Variants in TYW1B observed in about 807,000 individuals in gnomAD.
TYW1B encodes the protein tRNA-yW synthesizing protein 1 homolog B.
TYW1B carries 73 observed loss-of-function variants against 86.9 expected under a neutral mutation model. The ratio of observed to expected loss-of-function variants is 0.84; its 90% CI spans 0.70 to 1.02. The LOEUF is 1.02. Among genes scored for constraint, TYW1B ranks in the 50% least tolerant of loss-of-function variants. The probability of loss-of-function intolerance (pLI) is 0.00; values close to 1 mark genes in which losing one functional copy is unlikely to be tolerated. For missense variants in TYW1B, 637 were observed against 827.4 expected (o/e 0.77, Z 2.82); for synonymous variants, 248 against 292.8 (o/e 0.85, Z 1.56).
At chr7:72,803,833 C>CA (rs1379177435) in intron 5 of TYW1B, among the ~76,000 whole-genome samples, 2 of 151,946 alleles carry the variant, frequency 1.3e-5, no homozygotes, top group African/African-American at 4.8e-5. Flanking sequence ...AGGCTGGTCT[C>CA]AGACTCCTGA....
chr7:72,778,496 C>A (rs1456923802), intron 6 of TYW1B, among the ~76,000 whole-genome samples: 2 of 152,092 alleles, frequency 1.3e-5, no homozygotes, highest in East Asian at 1.9e-4. Context: ...GTCGCCCAGG[C>A]CAGAGTGCAG....
rs191374373 is a variant in TYW1B at position 72,711,779 on chromosome 7, G to A, written c.1370+1842C>T. Among the ~76,000 whole-genome samples the A allele has an allele frequency of 7.1e-3, 1,071 of 151,666 alleles. 17 individuals are homozygous for A. Among genetic ancestry groups the A allele is most frequent in the African/African-American group, 0.025 (1,042 of 41,390 alleles). ...TGGGATTACAGGCGTGAGTCACTGCGCCCTGCCCCTTTAATTCTTACAATC... is the reference window on the plus strand; with the variant it reads ...TGGGATTACAGGCGTGAGTCACTGCACCCTGCCCCTTTAATTCTTACAATC... On this transcript the variant is annotated intron_variant, in intron 10 of 13. Transcript: ENST00000620995.
At chr7:72,725,697 C>T (rs1786985941) in intron 9 of TYW1B, among the ~76,000 whole-genome samples, 1 of 152,120 alleles carries the variant, frequency 6.6e-6, no homozygotes, top group South Asian at 2.1e-4. Flanking sequence ...TGACCTGTTC[C>T]AAGCAAGAAG....
chr7:72,671,923 G>A (rs1813615055), intron 11 of TYW1B, among the ~76,000 whole-genome samples: 1 of 150,736 alleles, frequency 6.6e-6, no homozygotes, highest in Non-Finnish European at 1.5e-5. Flanking sequence ...GGAAAGAATA[G>A]GAGGCTGGAT....
At chr7:72,624,925 G>A (rs530683434) in intron 12 of TYW1B, among the ~76,000 whole-genome samples, 59 of 151,974 alleles carry the variant, frequency 3.9e-4, no homozygotes, top group Non-Finnish European at 8.1e-4. Context: ...CAAGCGTGGT[G>A]GTGTACACCT....
At chr7:72,808,755 G>A (rs1586000069) in intron 4 of TYW1B, among the ~76,000 whole-genome samples, 1 of 151,944 alleles carries the variant, frequency 6.6e-6, no homozygotes, top group Non-Finnish European at 1.5e-5. Flanking sequence ...TCGAACTCCC[G>A]ACCTCAGGTG....
At chr7:72,705,049 T>C (rs1243238912) in intron 10 of TYW1B, among the ~76,000 whole-genome samples, 1 of 152,172 alleles carries the variant, frequency 6.6e-6, no homozygotes, top group Non-Finnish European at 1.5e-5. Flanking sequence ...TCAGGCCGTA[T>C]TTACTTCTAT....
At chr7:72,733,014 G>A (rs1163203086) in intron 8 of TYW1B, among the ~76,000 whole-genome samples, 2 of 152,012 alleles carry the variant, frequency 1.3e-5, no homozygotes, top group Non-Finnish European at 2.9e-5. Flanking sequence ...AGAAATTCCT[G>A]TACACACACA....
At chr7:72,604,228 C>G (rs1811742992) in intron 13 of TYW1B, among the ~76,000 whole-genome samples, 1 of 152,052 alleles carries the variant, frequency 6.6e-6, no homozygotes, top group African/African-American at 2.4e-5. Context: ...TTTGAGAGGC[C>G]AAGGTGGGTG....
At chr7:72,714,170 C>A (rs1554455415) in intron 9 of TYW1B, among the ~76,000 whole-genome samples, 1 of 152,070 alleles carries the variant, frequency 6.6e-6, no homozygotes, top group African/African-American at 2.4e-5. Context: ...ACCAATCATT[C>A]CTCAAGTATC....
chr7:72,625,243 A>G (rs1472127719), intron 12 of TYW1B, among the ~76,000 whole-genome samples: 1 of 152,138 alleles, frequency 6.6e-6, no homozygotes, highest in Admixed American at 6.6e-5. Flanking sequence ...GGCCTATCAC[A>G]TGGAGAGAGC....
intron 8 of TYW1B, among the ~76,000 whole-genome samples, chr7:72,737,976 G>A (rs1417729744): frequency 1.5e-4 from 23 of 151,684 alleles, no homozygotes; most frequent in African/African-American, 4.3e-4. Context: ...GAGTTTCACC[G>A]TGTTAGCCAG....
intron 11 of TYW1B, among the ~76,000 whole-genome samples, chr7:72,629,579 C>A (rs1812434103): frequency 1.3e-5 from 2 of 152,094 alleles, no homozygotes; most frequent in Non-Finnish European, 1.5e-5. Flanking sequence ...CAGAGTCTCG[C>A]TCTGTTGTCC....
intron 7 of TYW1B, among the ~76,000 whole-genome samples, chr7:72,750,921 C>T (rs782317090): frequency 6.6e-6 from 1 of 152,148 alleles, no homozygotes; most frequent in Non-Finnish European, 1.5e-5. Context: ...TGAAGCATTT[C>T]TGACTTCAGA....
At chr7:72,653,610 A>AAAAAATAAT (rs113625348) in intron 11 of TYW1B, among the ~76,000 whole-genome samples, 74 of 150,614 alleles carry the variant, frequency 4.9e-4, no homozygotes, top group South Asian at 1.9e-3. Context: ...CCGTCTCAAA[A>AAAAAATAAT]AATAATAATA....
intron 11 of TYW1B, among the ~76,000 whole-genome samples, chr7:72,644,151 C>T (rs182487812): frequency 7.0e-4 from 107 of 152,094 alleles, no homozygotes; most frequent in South Asian, 1.2e-3. Context: ...TCTCAATAGA[C>T]GCAAAAAAAT....
intron 11 of TYW1B, among the ~76,000 whole-genome samples, chr7:72,639,021 A>C (rs1243400757): frequency 6.6e-6 from 1 of 152,210 alleles, no homozygotes; most frequent in African/African-American, 2.4e-5. Flanking sequence ...TAAGTAGCAC[A>C]CAAGAAAGGG....
intron 11 of TYW1B, among the ~76,000 whole-genome samples, chr7:72,655,608 A>C (rs1332741742): frequency 1.3e-5 from 2 of 152,170 alleles, no homozygotes; most frequent in Non-Finnish European, 2.9e-5. Flanking sequence ...ATACCTTGGG[A>C]AACAGATGGC....
At chr7:72,789,205 C>G (rs1788178691) in intron 6 of TYW1B, among the ~76,000 whole-genome samples, 1 of 151,874 alleles carries the variant, frequency 6.6e-6, no homozygotes, top group Non-Finnish European at 1.5e-5. Context: ...GTAATCTAGG[C>G]TCACTGCAAC....
Sources: allele counts gnomAD v4.1 joint callset (sites outside exome capture counted in the v4.1 genomes callset), GRCh38; gene constraint gnomAD v4.1.1; transcripts MANE v1.5; gene names NCBI Gene and HGNC (gene_info 2026-07-23, HGNC 2026-07-21).